CCDC148: variants seen among roughly 807,000 people sequenced by gnomAD.
The protein encoded by CCDC148 is coiled-coil domain-containing protein 148.
A neutral mutation model predicts 85.7 loss-of-function variants in CCDC148; 89 were observed. The observed-to-expected ratio is 1.04, with a 90% CI of 0.87 to 1.24. CCDC148 has a LOEUF of 1.24. Among genes scored for constraint, CCDC148 ranks in the 50% most tolerant of loss-of-function variants. The pLI is 0.00. For synonymous variants in CCDC148, 230 were observed against 213.9 expected, an observed-to-expected ratio of 1.08 and a Z score of -0.66; for missense variants, 692 against 671.7, an observed-to-expected ratio of 1.03 and a Z score of -0.33.
intron 1 of CCDC148, among the ~76,000 whole-genome samples, chr2:158,396,563 G>C (rs1685531285): frequency 6.6e-6 from 1 of 152,056 alleles, no homozygotes. Context: ...GTGTACTCAG[G>C]TTCTGAAATT....
chr2:158,396,035 C>T (rs71421073), intron 1 of CCDC148, among the ~76,000 whole-genome samples: 5,503 of 152,094 alleles, frequency 0.036, 142 homozygotes, highest in Non-Finnish European at 0.056. Context: ...CTGGCCAATA[C>T]GGAAGATTAT....
intron 9 of CCDC148, among the ~76,000 whole-genome samples, chr2:158,278,806 G>A (rs1230133303): frequency 2.0e-5 from 3 of 152,252 alleles, no homozygotes; most frequent in Non-Finnish European, 2.9e-5. Context: ...GGAGATCTGA[G>A]AACGGGCAGA....
intron 8 of CCDC148, among the ~76,000 whole-genome samples, chr2:158,310,463 C>G (rs562171300): frequency 3.3e-5 from 5 of 152,196 alleles, no homozygotes; most frequent in Non-Finnish European, 5.9e-5. Context: ...GGGTGGCGGC[C>G]GGGCAGAGGG....
intron 7 of CCDC148, among the ~76,000 whole-genome samples, chr2:158,326,005 C>G (rs1184929083): frequency 6.6e-6 from 1 of 152,126 alleles, no homozygotes; most frequent in East Asian, 1.9e-4. Flanking sequence ...GATTTTGTCA[C>G]TCTGCTCACT....
chr2:158,402,944 G>A (rs921483815), intron 1 of CCDC148, among the ~76,000 whole-genome samples: 2 of 152,080 alleles, frequency 1.3e-5, no homozygotes, highest in African/African-American at 4.8e-5. Context: ...TCCCAGTCCA[G>A]TGAATTAAAC....
In CCDC148 at chr2:158,313,862, A is replaced by G; in HGVS notation, c.797T>C (p.Ile266Thr). The change falls in exon 8 of 14, where the codon ATT becomes ACT. Residue 266 changes from isoleucine (I) to threonine (T), a missense_variant. Coordinates refer to ENST00000283233, the MANE Select transcript of CCDC148 (RefSeq NM_138803.4). ...GTACTGATCCAAAATAGCCTGGTAAATCCAGTGGTCTTCTTCACTTAGTTG... is the reference window on the plus strand; with the variant it reads ...GTACTGATCCAAAATAGCCTGGTAAGTCCAGTGGTCTTCTTCACTTAGTTG... ...NCQLSEEDHW[I>T]YQAILDQYPG... is the part of the protein sequence containing the mutation. 1 of 1,613,794 alleles carries G rather than the reference A, an allele frequency of 6.2e-7. No individual in the cohort carries two copies. The highest frequency in any genetic ancestry group is 1.1e-5 in the South Asian group (1 of 91,004).
At chr2:158,286,474 C>T (rs1173526930) in intron 9 of CCDC148, among the ~76,000 whole-genome samples, 2 of 152,200 alleles carry the variant, frequency 1.3e-5, no homozygotes, top group African/African-American at 2.4e-5. Flanking sequence ...TTAAACAACC[C>T]TCAATAGGAC....
At chr2:158,288,204 G>A (rs544329899) in intron 9 of CCDC148, among the ~76,000 whole-genome samples, 3 of 152,298 alleles carry the variant, frequency 2.0e-5, no homozygotes, top group African/African-American at 7.2e-5. Context: ...TGATGAGATG[G>A]GCTGTTGTGA....
rs1207951366 is a variant in CCDC148 at position 158,172,258 on chromosome 2, A to G, written c.1631T>C (p.Ile544Thr). The part of the protein sequence containing the change: ...FTLNTYNEQQ[I>T]ISDPRLRFEL... ...GAAGCGAAGTCTAGGGTCAGAAATT[A>G]TCTGTAGAAATAAAAATACAATTTA... The change falls in exon 14 of 14, where the codon ATA becomes ACA. Residue 544 changes from isoleucine to threonine, a missense_variant and splice_region_variant. Physicochemically the swap from Ile to Thr is moderately conservative, Grantham distance 89 (BLOSUM62 -1). Coordinates refer to ENST00000283233, the MANE Select transcript of CCDC148 (RefSeq NM_138803.4). 1 of 1,590,598 alleles carries G rather than the reference A, an allele frequency of 6.3e-7. No homozygotes were observed. The highest frequency in any genetic ancestry group is 1.4e-5 in the African/African-American group (1 of 73,814).
intron 1 of CCDC148, among the ~76,000 whole-genome samples, chr2:158,378,691 T>G (rs1684753432): frequency 6.6e-6 from 1 of 152,148 alleles, no homozygotes; most frequent in Non-Finnish European, 1.5e-5. Flanking sequence ...TTTACCATTC[T>G]GAAAATCCTG....
At chr2:158,439,194 C>T (rs907359909) in intron 1 of CCDC148, among the ~76,000 whole-genome samples, 1 of 152,128 alleles carries the variant, frequency 6.6e-6, no homozygotes, top group Non-Finnish European at 1.5e-5. Flanking sequence ...TATTGTGGCA[C>T]TATTCACAAT....
At chr2:158,416,033 G>A (rs909973976) in intron 1 of CCDC148, among the ~76,000 whole-genome samples, 5 of 152,240 alleles carry the variant, frequency 3.3e-5, no homozygotes, top group Non-Finnish European at 2.9e-5. Flanking sequence ...CCAAGCTTCA[G>A]CTCTTGTCTT....
At chr2:158,286,011 T>G (rs1348196455) in intron 9 of CCDC148, among the ~76,000 whole-genome samples, 1 of 152,168 alleles carries the variant, frequency 6.6e-6, no homozygotes, top group Non-Finnish European at 1.5e-5. Flanking sequence ...TTGTCATTCA[T>G]AGGTGGCAAT....
In CCDC148 at chr2:158,431,492, A is replaced by ATTT. The variant is rs1373585488; in HGVS notation, c.25+24922_25+24923insAAA. 9.3e-5 allele frequency among the ~76,000 whole-genome samples: 14 copies of ATTT among 150,230 alleles called. No homozygotes were observed. The South Asian group carries it at 1.1e-3, about 11-fold the overall frequency. The stretch of plus-strand genomic sequence containing the variant: ...TGCTATAAAAAAGGTGTTTTTTAAA[A>ATTT]AAAAAAAAACCTGTCAATTTATAAT... On this transcript the variant is annotated intron_variant, in intron 1 of 13. Transcript: ENST00000283233.
chr2:158,226,544 C>T (rs1485752853), intron 10 of CCDC148, among the ~76,000 whole-genome samples: 3 of 152,080 alleles, frequency 2.0e-5, no homozygotes, highest in Non-Finnish European at 2.9e-5. Flanking sequence ...AACATCGATG[C>T]AAAAATAATC....
At chr2:158,425,103 T>C in intron 1 of CCDC148, 1 of 474,230 alleles carries the variant, frequency 2.1e-6, no homozygotes, top group South Asian at 1.5e-5. Context: ...TAGTGACTAC[T>C]ATGATCGCGG....
chr2:158,369,187 GT>G (rs943243946), intron 1 of CCDC148, among the ~76,000 whole-genome samples: 3 of 151,790 alleles, frequency 2.0e-5, no homozygotes, highest in African/African-American at 4.8e-5. Context: ...GTTTAAAGTA[GT>G]TTTTTTTCTA....
At chr2:158,260,939 C>T (rs1257219291) in intron 9 of CCDC148, among the ~76,000 whole-genome samples, 1 of 151,956 alleles carries the variant, frequency 6.6e-6, no homozygotes, top group African/African-American at 2.4e-5. Context: ...AGTCATACTG[C>T]CCAGAGCAAT....
At chr2:158,288,335 C>A (rs1484209434) in intron 9 of CCDC148, among the ~76,000 whole-genome samples, 2 of 152,192 alleles carry the variant, frequency 1.3e-5, no homozygotes, top group African/African-American at 4.8e-5. Flanking sequence ...ATGGGATTTT[C>A]TTTTCTATTG....
Sources: allele counts gnomAD v4.1 joint callset (sites outside exome capture counted in the v4.1 genomes callset), GRCh38; gene constraint gnomAD v4.1.1; transcripts MANE v1.5; gene names NCBI Gene and HGNC (gene_info 2026-07-23, HGNC 2026-07-21).